ADGRG6: variants seen among roughly 807,000 people sequenced by gnomAD.
ADGRG6 encodes adhesion G protein-coupled receptor G6.
A neutral mutation model predicts 142.4 loss-of-function variants in ADGRG6; 84 were observed. The ratio of observed to expected loss-of-function variants is 0.59; its 90% CI spans 0.49 to 0.71. ADGRG6 has a LOEUF of 0.71. ADGRG6 is among the 30% of genes least tolerant of loss of function. ADGRG6 has a pLI of 0.00. For synonymous variants in ADGRG6, 521 were observed against 520.5 expected (o/e 1.00, Z -0.01); for missense variants, 1,367 against 1,466.6 (o/e 0.93, Z 1.11).
At chr6:142,313,668 A>T (rs1470563095) in intron 2 of ADGRG6, among the ~76,000 whole-genome samples, 1 of 152,182 alleles carries the variant, frequency 6.6e-6, no homozygotes, top group Non-Finnish European at 1.5e-5. Context: ...TGATTGTGTA[A>T]AAAGAATCTT....
chr6:142,317,615 ATAT>A (rs1006675104), intron 2 of ADGRG6, among the ~76,000 whole-genome samples: 16 of 145,286 alleles, frequency 1.1e-4, no homozygotes, highest in African/African-American at 1.5e-4. Flanking sequence ...TGTCATTGTA[ATAT>A]TATAAATGAG....
At chr6:142,419,761 C>G in intron 21 of ADGRG6, 60 bp from the exon 22 acceptor site, 1 of 1,339,630 alleles carries the variant, frequency 7.5e-7, no homozygotes, top group Non-Finnish European at 1.0e-6. Context: ...TGAGAAAAGT[C>G]TTAGGTAAAC....
chr6:142,302,618 G>A, intron 1 of ADGRG6: 1 of 429,116 alleles, frequency 2.3e-6, no homozygotes, highest in Non-Finnish European at 4.1e-6. Flanking sequence ...AGGGCTTCAA[G>A]AATGGGGAAA....
intron 2 of ADGRG6, among the ~76,000 whole-genome samples, chr6:142,335,687 A>G (rs1338632918): frequency 6.6e-6 from 1 of 152,188 alleles, no homozygotes; most frequent in Non-Finnish European, 1.5e-5. Context: ...AAATTCCAAT[A>G]GGAAAACCAT....
rs775140357 is a variant in ADGRG6 at position 142,370,682 on chromosome 6, A to C, written c.958A>C (p.Lys320Gln). 8 of 1,613,756 alleles carry C rather than the reference A, an allele frequency of 5.0e-6. No homozygotes were observed. Among genetic ancestry groups the C allele is most frequent in the Middle Eastern group, 3.3e-4 (2 of 6,062 alleles). Residue 320 changes from lysine (K) to glutamine (Q), a missense_variant, in exon 4 of 25, where the codon AAA (lysine) becomes CAA (glutamine). Transcript: ENST00000367609. ...ACTTTGGAATTTTACCATGAATGCC[A>C]AAATCCTCTCCAACCTCAGCTGTAA... ...FRLWNFTMNAKILSNLSCNVK... is the reference protein window; with the variant it reads ...FRLWNFTMNAQILSNLSCNVK...
chr6:142,303,945 A>C (rs1220024492), intron 1 of ADGRG6, among the ~76,000 whole-genome samples: 1 of 152,214 alleles, frequency 6.6e-6, no homozygotes, highest in Non-Finnish European at 1.5e-5. Context: ...ATGAAATCAC[A>C]TAGAAAATAG....
At chr6:142,417,246 GTT>G (rs1776408484) in intron 20 of ADGRG6, 25 bp from the exon 21 acceptor site, 1 of 1,216,680 alleles carries the variant, frequency 8.2e-7, no homozygotes, top group South Asian at 1.2e-5. Flanking sequence ...CTTCAAAAGA[GTT>G]TGTGTCATGG....
At position 142,320,930 on chromosome 6, in the gene ADGRG6, T is replaced by C. The variant is rs188838256; in HGVS notation, c.103+11286T>C. On this transcript the variant is annotated intron_variant, in intron 2 of 24. Transcript: ENST00000367609. ...TAAATTCTATATCTATCATACTTTT[T>C]AAACCCTTTGACCAGTAGGTGCATA... is the stretch of plus-strand genomic sequence containing the variant. 3.3e-5 allele frequency among the ~76,000 whole-genome samples: 5 copies of C among 152,170 alleles called. No homozygotes were observed. The East Asian group carries it at 9.6e-4, about 29-fold the overall frequency.
At chr6:142,402,568 C>G in intron 12 of ADGRG6, 52 bp from the exon 13 acceptor site, 1 of 918,796 alleles carries the variant, frequency 1.1e-6, no homozygotes, top group Non-Finnish European at 1.7e-6. Flanking sequence ...CCTGGAAATG[C>G]TCTAAATATT....
At chr6:142,371,448 T>G (rs1343380925) in intron 4 of ADGRG6, among the ~76,000 whole-genome samples, 2 of 149,666 alleles carry the variant, frequency 1.3e-5, no homozygotes, top group Non-Finnish European at 3.0e-5. Context: ...ATTACAGGTG[T>G]GAGCCACCCT....
intron 4 of ADGRG6, among the ~76,000 whole-genome samples, chr6:142,376,477 A>G (rs1307523803): frequency 6.6e-6 from 1 of 152,070 alleles, no homozygotes; most frequent in Non-Finnish European, 1.5e-5. Flanking sequence ...CTGGATTTGT[A>G]TTTTTGTTTC....
At position 142,413,907 on chromosome 6, in the gene ADGRG6, A is replaced by ACACACG. The variant is rs752995837; in HGVS notation, c.2542-1057_2542-1056insGCACAC. Among the ~76,000 whole-genome samples the ACACACG allele has an allele frequency of 1.9e-3, 258 of 133,520 alleles. 2 individuals carry two copies. The highest frequency in any genetic ancestry group is 3.4e-3 in the South Asian group (16 of 4,652). The allele number at this position is 133,520 out of a possible 152,430, so 87.6% of individuals were successfully genotyped here. A position where few individuals can be genotyped will look rare whatever the true frequency, so the allele number is the denominator to read the frequency against. ...TAACCCACATTTCTTTATCACACAC[A>ACACACG]CACACACACACACACACACACACAC... is the stretch of plus-strand genomic sequence containing the variant. On this transcript the variant is annotated intron_variant, in intron 18 of 24. Coordinates refer to ENST00000367609, the MANE Select transcript of ADGRG6 (RefSeq NM_198569.3).
At chr6:142,306,278 A>G (rs978493466) in intron 1 of ADGRG6, among the ~76,000 whole-genome samples, 3 of 152,222 alleles carry the variant, frequency 2.0e-5, no homozygotes, top group African/African-American at 4.8e-5. Flanking sequence ...TTTGGATAAA[A>G]TAATGCCTAC....
chr6:142,302,115 C>T lies in ADGRG6; in HGVS notation c.-215C>T, dbSNP rs931249176. 2 of 547,442 alleles carry T rather than the reference C, an allele frequency of 3.7e-6. No individual in the cohort carries two copies. The highest frequency in any genetic ancestry group is 6.4e-6 in the Non-Finnish European group (2 of 311,862). 33.9% of individuals were successfully genotyped at this position (547,442 alleles called of 1,614,324 possible). On this transcript the variant is annotated 5_prime_UTR_variant, in exon 1 of 25. Coordinates refer to ENST00000367609, the MANE Select transcript of ADGRG6 (RefSeq NM_198569.3). ...ACCTGCCGCCAGCCTGCTTCCTCGT[C>T]CGCAGGCCCTGCGCTGAACGCTGCC...
chr6:142,363,369 A>G lies in ADGRG6; in HGVS notation c.104-4200A>G, dbSNP rs538365903. ...AACCTCACAAGTTAATGATTATTAA[A>G]TCTATATCAAAATGTTATTTATCAA... On this transcript the variant is annotated intron_variant, in intron 2 of 24. Coordinates refer to ENST00000367609, the MANE Select transcript of ADGRG6 (RefSeq NM_198569.3). Among the ~76,000 whole-genome samples the G allele has an allele frequency of 4.1e-4, 62 of 152,284 alleles. 3 individuals are homozygous for G. The South Asian group carries it at 0.013, about 31-fold the overall frequency.
At chr6:142,388,987 T>G (rs1782170003) in intron 6 of ADGRG6, among the ~76,000 whole-genome samples, 1 of 152,100 alleles carries the variant, frequency 6.6e-6, no homozygotes, top group Non-Finnish European at 1.5e-5. Context: ...CAAATATTTT[T>G]CATTCAGAAC....
chr6:142,318,304 TTA>T (rs1778324803), intron 2 of ADGRG6, among the ~76,000 whole-genome samples: 2 of 86,098 alleles, frequency 2.3e-5, no homozygotes, highest in African/African-American at 9.5e-5. Context: ...TTATATATAT[TTA>T]TATTATATAT....
At chr6:142,338,038 T>TTTTTTTTTTTTTTTTTTTTTTTTTAGGG in intron 2 of ADGRG6, among the ~76,000 whole-genome samples, 1 of 123,690 alleles carries the variant, frequency 8.1e-6, no homozygotes. Context: ...TTTTTTTTTT[T>TTTTTTTTTTTTTTTTTTTTTTTTTAGGG]GAGACGGAGT....
chr6:142,356,659 C>T (rs1467667950), intron 2 of ADGRG6, among the ~76,000 whole-genome samples: 1 of 150,512 alleles, frequency 6.6e-6, no homozygotes, highest in African/African-American at 2.5e-5. Context: ...CCTGAATCTG[C>T]CACCCATAGT....
Sources: gnomAD v4.1 joint callset for allele counts (sites outside exome capture counted in the v4.1 genomes callset) on GRCh38, gnomAD v4.1.1 for gene constraint, MANE v1.5 for transcripts, NCBI Gene and HGNC (gene_info 2026-07-23, HGNC 2026-07-21) for gene names.